The following RASD2 variants were observed in gnomAD, a reference collection of about 807,000 sequenced individuals.
The protein encoded by RASD2 is RASD family member 2.
Under a neutral mutation model 15.8 loss-of-function variants are expected in RASD2, and 7 were observed. That is an observed-to-expected ratio of 0.44 (90% CI 0.25 to 0.83). The LOEUF (loss-of-function observed/expected upper bound fraction) is 0.83. Ranked by LOEUF, RASD2 falls within the 40% of genes least tolerant of loss-of-function variation. The probability of loss-of-function intolerance (pLI) is 0.20; values close to 1 mark genes in which losing one functional copy is unlikely to be tolerated. For synonymous variants in RASD2, 155 were observed against 153.6 expected (o/e 1.01, Z -0.07); for missense variants, 274 against 382.8 (o/e 0.72, Z 2.37).
chr22:35,537,424 G>A (rs1489160240), upstream of RASD2, among the ~76,000 whole-genome samples: 1 of 152,236 alleles, frequency 6.6e-6, no homozygotes, highest in South Asian at 2.1e-4. Context: ...TGGGGGTGAC[G>A]AGGCATGTGT....
the RASD2 span, among the ~76,000 whole-genome samples, chr22:35,533,953 C>T: frequency 7.7e-5 from 10 of 129,452 alleles, no homozygotes; most frequent in Admixed American, 1.5e-4. Context: ...GTGATGATGA[C>T]GGTGATGATT....
Position 35,550,440 on chromosome 22 carries a change from CAAAAAAAAAA to C in RASD2, c.272-1048_272-1039del, listed in dbSNP as rs397838574. On this transcript the variant is annotated intron_variant, in intron 2 of 2. Coordinates refer to ENST00000216127, the MANE Select transcript of RASD2 (RefSeq NM_014310.4). ...TGGGCCACAGAGAAAGACTCCATCT[CAAAAAAAAAA>C]AAAAAAAAAAAAAAGTTTAAGCAAA... 7.8e-5 allele frequency among the ~76,000 whole-genome samples: 5 copies of C among 64,268 alleles called. No homozygotes were observed. In the East Asian group the frequency reaches 2.3e-3, roughly 30 times the overall value. The allele number at this position is 64,268 out of a possible 152,430, so 42.2% of individuals were successfully genotyped here.
rs762636687 is a variant in RASD2 at position 35,547,043 on chromosome 22, C to A, written c.234C>A (p.His78Gln). Reference protein sequence around the residue: ...QLDILDTSGNHPFPAMRRLSI... With the variant: ...QLDILDTSGNQPFPAMRRLSI... The stretch of plus-strand genomic sequence containing the variant: ...ACATCCTGGATACCTCTGGCAACCA[C>A]CCCTTCCCCGCCATGCGCAGGCTGT... Residue 78 changes from histidine to glutamine, a missense_variant, in exon 2 of 3, where the codon CAC (histidine) becomes CAA (glutamine). Coordinates refer to ENST00000216127, the MANE Select transcript of RASD2 (RefSeq NM_014310.4). The A allele has an allele frequency of 3.7e-6, 6 of 1,613,964 alleles. No individual in the cohort carries two copies. The highest frequency in any genetic ancestry group is 3.3e-5 in the Admixed American group (2 of 60,006).
Position 35,551,388 on chromosome 22 carries a change from T to A in RASD2, c.272-115T>A, listed in dbSNP as rs925147295. On this transcript the variant is annotated intron_variant, in intron 2 of 2. Transcript: ENST00000216127. This position sits in a 1 kb window ranked among gnomAD's most constrained non-coding sequence, Gnocchi z 4.9. ...TGTAGGTTAAAGCAGTTATGCCGCA[T>A]AACTGCTTCAGGGCACCTGTGACTC... is the stretch of plus-strand genomic sequence containing the variant. The A allele has an allele frequency of 9.6e-7, 1 of 1,041,190 alleles. No individual in the cohort carries two copies. The highest frequency in any genetic ancestry group is 1.6e-5 in the African/African-American group (1 of 62,468). The allele number at this position is 1,041,190 out of a possible 1,614,324, so 64.5% of individuals were successfully genotyped here. A position where few individuals can be genotyped will look rare whatever the true frequency, so the allele number is the denominator to read the frequency against.
At chr22:35,539,973 C>A (rs992989864), upstream of RASD2, among the ~76,000 whole-genome samples, 1 of 152,220 alleles carries the variant, frequency 6.6e-6, no homozygotes, top group Non-Finnish European at 1.5e-5. Flanking sequence ...GCCTCGAAGA[C>A]CTCTGGCTAC....
chr22:35,542,716 G>A (rs987337951), intron 1 of RASD2, among the ~76,000 whole-genome samples: 7 of 152,202 alleles, frequency 4.6e-5, no homozygotes, highest in East Asian at 1.9e-4. Flanking sequence ...GGCATACACC[G>A]GGAGGACACG....
chr22:35,552,164 C>T lies in RASD2; in HGVS notation c.*132C>T. On this transcript the variant is annotated 3_prime_UTR_variant, in exon 3 of 3. Transcript: ENST00000216127. ...GACCTTAGGCACCAGACTGGAGGCC[C>T]CCGGGCGCTGGCCTCCGCACATTCG... 8.2e-7 allele frequency: 1 copy of T among 1,225,190 alleles called. No homozygotes were observed. Among genetic ancestry groups the T allele is most frequent in the East Asian group, 2.5e-5 (1 of 39,602 alleles). The allele number at this position is 1,225,190 out of a possible 1,614,324, so 75.9% of individuals were successfully genotyped here.
the RASD2 span, among the ~76,000 whole-genome samples, chr22:35,534,447 T>C: frequency 2.0e-5 from 3 of 152,306 alleles, no homozygotes; most frequent in African/African-American, 4.8e-5. Flanking sequence ...CCACGTAGGG[T>C]TGTGGTCTGG....
rs776209304 is a variant in RASD2 at position 35,546,816 on chromosome 22, A to G, written c.7A>G (p.Lys3Glu). 1 of 1,613,444 alleles carries G rather than the reference A, an allele frequency of 6.2e-7. No homozygotes were observed. Among genetic ancestry groups the G allele is most frequent in the Non-Finnish European group, 8.5e-7 (1 of 1,179,712 alleles). The change falls in exon 2 of 3, where the codon AAG (lysine) becomes GAG (glutamate). Residue 3 changes from lysine to glutamate, a missense_variant. Physicochemically the swap from Lys to Glu is moderately conservative, Grantham distance 56. Coordinates refer to ENST00000216127, the MANE Select transcript of RASD2 (RefSeq NM_014310.4). MM[K>E]TLSSGNCTLS... Reference sequence around the variant, plus strand: ...TTTGTTGCAGCCCCGAGCCATGATGAAGACTTTGTCCAGCGGGAACTGCAC... The same window carrying G: ...TTTGTTGCAGCCCCGAGCCATGATGGAGACTTTGTCCAGCGGGAACTGCAC...
the RASD2 span, among the ~76,000 whole-genome samples, chr22:35,533,627 AATGATGGTG>A: frequency 2.6e-4 from 1 of 3,840 alleles, no homozygotes; most frequent in South Asian, 0.01. Flanking sequence ...TGATGATGGG[AATGATGGTG>A]ATGATGGTGA....
the RASD2 span, among the ~76,000 whole-genome samples, chr22:35,535,076 A>G: frequency 6.6e-6 from 1 of 152,124 alleles, no homozygotes; most frequent in African/African-American, 2.4e-5. Context: ...TTTCAAACCT[A>G]TTTGGATATT....
At chr22:35,533,477 G>A in the RASD2 span, among the ~76,000 whole-genome samples, 2 of 152,224 alleles carry the variant, frequency 1.3e-5, no homozygotes, top group African/African-American at 4.8e-5. Flanking sequence ...TGGTGGCTAT[G>A]ATGATGACGC....
intron 2 of RASD2, among the ~76,000 whole-genome samples, chr22:35,549,797 G>C (rs1327225713): frequency 1.3e-5 from 2 of 152,200 alleles, no homozygotes; most frequent in Non-Finnish European, 2.9e-5. Context: ...CATTAAATGG[G>C]GGTAAATGAT....
intron 1 of RASD2, among the ~76,000 whole-genome samples, chr22:35,542,121 G>A (rs756017907): frequency 1.8e-4 from 28 of 152,312 alleles, no homozygotes; most frequent in African/African-American, 2.6e-4. Flanking sequence ...CCAGGAGGAT[G>A]ACAGGGGATG....
chr22:35,543,182 G>C (rs1355277731), intron 1 of RASD2, among the ~76,000 whole-genome samples: 1 of 152,158 alleles, frequency 6.6e-6, no homozygotes, highest in African/African-American at 2.4e-5. Context: ...TCCTGGCTGT[G>C]GTTACTGTGC....
chr22:35,551,700 G>A lies in RASD2; in HGVS notation c.469G>A (p.Glu157Lys), dbSNP rs1292872837. 2.5e-6 allele frequency: 4 copies of A among 1,613,464 alleles called. No homozygotes were observed. The South Asian group carries it at 3.3e-5, about 13-fold the overall frequency. The stretch of plus-strand genomic sequence containing the variant: ...CCGCCAGGTGCCCACCACCGAGGCC[G>A]AGCTGCTGGTGTCGGGCGACGAGAA... The part of the protein sequence containing the change: ...LCRQVPTTEA[E>K]LLVSGDENCA... The change falls in exon 3 of 3, where the codon GAG becomes AAG. Residue 157 changes from glutamate to lysine, a missense_variant. Physicochemically the swap from Glu to Lys is moderately conservative, Grantham distance 56. Coordinates refer to ENST00000216127, the MANE Select transcript of RASD2 (RefSeq NM_014310.4). This position sits in a 1 kb window ranked among gnomAD's most constrained non-coding sequence, Gnocchi z 4.9.
At position 35,552,562 on chromosome 22, in the gene RASD2, G is replaced by A. The variant is rs1312358033; in HGVS notation, c.*530G>A. On this transcript the variant is annotated 3_prime_UTR_variant, in exon 3 of 3. Transcript: ENST00000216127. ...CCCACCCCCAGCACACACACAAGTT[G>A]GCCCCCAGCTGCGCCTGACATTGAG... 1 of 153,998 alleles carries A rather than the reference G, an allele frequency of 6.5e-6. No homozygotes were observed. The highest frequency in any genetic ancestry group is 1.4e-5 in the Non-Finnish European group (1 of 69,678). 9.5% of individuals were successfully genotyped at this position (153,998 alleles called of 1,614,324 possible).
At position 35,551,381 on chromosome 22, in the gene RASD2, T is replaced by C. The variant is rs764333042; in HGVS notation, c.272-122T>C. On this transcript the variant is annotated intron_variant, in intron 2 of 2. Coordinates refer to ENST00000216127, the MANE Select transcript of RASD2 (RefSeq NM_014310.4). The surrounding 1 kb of genome is among the most constrained non-coding windows in gnomAD (Gnocchi z 4.9). ...GTCGCTGTGTAGGTTAAAGCAGTTATGCCGCATAACTGCTTCAGGGCACCT... is the reference window on the plus strand; with the variant it reads ...GTCGCTGTGTAGGTTAAAGCAGTTACGCCGCATAACTGCTTCAGGGCACCT... 1.1e-6 allele frequency: 1 copy of C among 928,868 alleles called. No homozygotes were observed. Among genetic ancestry groups the C allele is most frequent in the African/African-American group, 1.7e-5 (1 of 60,500 alleles). 57.5% of individuals were successfully genotyped at this position (928,868 alleles called of 1,614,324 possible).
At chr22:35,550,083 A>G (rs1934619033) in intron 2 of RASD2, among the ~76,000 whole-genome samples, 1 of 152,134 alleles carries the variant, frequency 6.6e-6, no homozygotes, top group South Asian at 2.1e-4. Context: ...TAACACAGTG[A>G]AACACCGTCT....
Sources: allele counts gnomAD v4.1 joint callset (sites outside exome capture counted in the v4.1 genomes callset), GRCh38; gene constraint gnomAD v4.1.1; non-coding constraint Gnocchi (gnomAD v3.1); transcripts MANE v1.5; gene names NCBI Gene and HGNC (gene_info 2026-07-23, HGNC 2026-07-21).